RPF2: variants seen among roughly 807,000 people sequenced by gnomAD.
RPF2 encodes the protein ribosome production factor 2 homolog.
A neutral mutation model predicts 38.9 loss-of-function variants in RPF2; 21 were observed. That is an observed-to-expected ratio of 0.54 (90% CI 0.38 to 0.78). The LOEUF (loss-of-function observed/expected upper bound fraction) is 0.78, where lower values mean the gene tolerates loss of function less well. Among genes scored for constraint, RPF2 ranks in the 30% least tolerant of loss-of-function variants. The pLI is 0.00. For synonymous variants in RPF2, 121 were observed against 126.2 expected (o/e 0.96, Z 0.28); for missense variants, 314 against 358.1 (o/e 0.88, Z 0.99).
intron 7 of RPF2, among the ~76,000 whole-genome samples, chr6:111,014,557 G>A (rs1772074975): frequency 6.6e-6 from 1 of 152,192 alleles, no homozygotes; most frequent in South Asian, 2.1e-4. Context: ...ATGCTAGGTG[G>A]CTACAGAATG....
intron 8 of RPF2, among the ~76,000 whole-genome samples, chr6:111,016,162 C>T (rs1414498281): frequency 6.6e-6 from 1 of 152,272 alleles, no homozygotes; most frequent in African/African-American, 2.4e-5. Flanking sequence ...GCCACAAATC[C>T]TTGGCTAGGC....
At chr6:111,008,465 AAAG>A in intron 7 of RPF2, among the ~76,000 whole-genome samples, 1 of 151,860 alleles carries the variant, frequency 6.6e-6, no homozygotes, top group Non-Finnish European at 1.5e-5. Context: ...CGGGAGAGTT[AAAG>A]CAGCTGTTGT....
chr6:111,025,440 G>A lies in RPF2; in HGVS notation c.779G>A (p.Gly260Asp), dbSNP rs768235939. ...AAAAATATTTCCCATGATACTTTTG[G>A]TACAACTTATGGAAGGATTCATATG... ...KKKNISHDTF[G>D]TTYGRIHMQK... Residue 260 changes from glycine (G) to aspartate (D), a missense_variant, in exon 10 of 10, where the codon GGT (glycine) becomes GAT (aspartate). Coordinates refer to ENST00000441448, the MANE Select transcript of RPF2 (RefSeq NM_032194.3). 2.5e-6 allele frequency: 4 copies of A among 1,607,550 alleles called. No homozygotes were observed. Among genetic ancestry groups the A allele is most frequent in the Non-Finnish European group, 2.5e-6 (3 of 1,177,114 alleles).
intron 6 of RPF2, among the ~76,000 whole-genome samples, chr6:111,006,065 G>C (rs919561402): frequency 2.6e-5 from 4 of 151,274 alleles, no homozygotes; most frequent in Non-Finnish European, 1.5e-5. Flanking sequence ...CTCAGCCTCC[G>C]AAAGTGCTGG....
intron 7 of RPF2, 70 bp downstream of exon 7, chr6:111,008,207 C>G (rs1771950960): frequency 2.0e-6 from 3 of 1,464,428 alleles, no homozygotes; most frequent in Non-Finnish European, 2.7e-6. Context: ...ACTGGTGGCA[C>G]TTTGCTACTT....
intron 8 of RPF2, among the ~76,000 whole-genome samples, chr6:111,022,529 C>A (rs1173254263): frequency 6.6e-6 from 1 of 152,042 alleles, no homozygotes; most frequent in Non-Finnish European, 1.5e-5. Context: ...GTACTTAATT[C>A]TTTAATGAAA....
intron 5 of RPF2, among the ~76,000 whole-genome samples, chr6:110,998,667 A>G (rs1771760995): frequency 6.6e-6 from 1 of 152,190 alleles, no homozygotes. Flanking sequence ...CACGCACAGG[A>G]CAGGAGAGGC....
intron 6 of RPF2, among the ~76,000 whole-genome samples, chr6:111,002,862 G>A (rs1020963779): frequency 6.6e-5 from 10 of 150,970 alleles, no homozygotes; most frequent in Admixed American, 1.3e-4. Flanking sequence ...TCTGCCTCCC[G>A]GATTCAAGCA....
At chr6:111,014,217 A>G (rs1454516293) in intron 7 of RPF2, among the ~76,000 whole-genome samples, 7 of 151,488 alleles carry the variant, frequency 4.6e-5, no homozygotes, top group Admixed American at 4.6e-4. Flanking sequence ...GCTCACTGCA[A>G]TCTCCGCCTC....
At chr6:111,014,140 G>T (rs1363794006) in intron 7 of RPF2, among the ~76,000 whole-genome samples, 3 of 144,934 alleles carry the variant, frequency 2.1e-5, no homozygotes, top group African/African-American at 7.6e-5. Context: ...TTGTTTTTTG[G>T]GTTTTTTTTT....
chr6:111,000,712 C>T (rs1018474196), intron 6 of RPF2, among the ~76,000 whole-genome samples: 3 of 152,168 alleles, frequency 2.0e-5, no homozygotes, highest in African/African-American at 7.2e-5. Flanking sequence ...TACATTATTT[C>T]ACCTAGACCT....
chr6:110,992,730 G>A (rs929782553), intron 4 of RPF2, among the ~76,000 whole-genome samples: 3 of 152,082 alleles, frequency 2.0e-5, no homozygotes, highest in Non-Finnish European at 2.9e-5. Context: ...TATAGTAAAT[G>A]GAGAATGATG....
At chr6:111,024,125 G>C in intron 8 of RPF2, 58 bp from the exon 9 acceptor site, 1 of 1,432,300 alleles carries the variant, frequency 7.0e-7, no homozygotes, top group Non-Finnish European at 9.4e-7. Context: ...AAAAATATTT[G>C]GTGGAGAGGA....
At chr6:111,003,430 A>G (rs1204944137) in intron 6 of RPF2, among the ~76,000 whole-genome samples, 2 of 152,082 alleles carry the variant, frequency 1.3e-5, no homozygotes, top group African/African-American at 2.4e-5. Context: ...GGTTGGGATT[A>G]CAGGTGCCTA....
At chr6:110,994,992 C>T (rs1771687779) in intron 4 of RPF2, among the ~76,000 whole-genome samples, 1 of 152,062 alleles carries the variant, frequency 6.6e-6, no homozygotes, top group African/African-American at 2.4e-5. Context: ...GCAACCTCCA[C>T]CTCCCGGGTT....
intron 6 of RPF2, among the ~76,000 whole-genome samples, chr6:111,004,006 T>A (rs1370357846): frequency 6.6e-6 from 1 of 150,652 alleles, no homozygotes; most frequent in African/African-American, 2.4e-5. Context: ...AGAGACGGAG[T>A]TTCATCATGT....
chr6:110,985,053 C>T lies in RPF2; in HGVS notation c.71C>T (p.Pro24Leu), dbSNP rs144286682. ...RAKRFLEKRE[P>L]KLNENIKNAM... ...AAGAGATTCCTTGAGAAGAGAGAACCGAAACTCAATGAAAATATTAAAAAT... is the reference window on the plus strand; with the variant it reads ...AAGAGATTCCTTGAGAAGAGAGAACTGAAACTCAATGAAAATATTAAAAAT... The change falls in exon 2 of 10, where the codon CCG (proline) becomes CTG (leucine). Residue 24 changes from proline to leucine, a missense_variant. Transcript: ENST00000441448. 119 of 1,612,124 alleles carry T rather than the reference C, an allele frequency of 7.4e-5. No homozygotes were observed. The highest frequency in any genetic ancestry group is 8.8e-5 in the Non-Finnish European group (104 of 1,179,566).
chr6:111,016,787 A>G (rs1220455689), intron 8 of RPF2, among the ~76,000 whole-genome samples: 1 of 150,552 alleles, frequency 6.6e-6, no homozygotes, highest in Non-Finnish European at 1.5e-5. Flanking sequence ...CAGATAAACA[A>G]GTGAACAAAG....
intron 5 of RPF2, among the ~76,000 whole-genome samples, chr6:110,998,173 G>A (rs9487570): frequency 0.091 from 13,811 of 152,236 alleles, 700 homozygotes; most frequent in Middle Eastern, 0.13. Flanking sequence ...CTGAAGTGCT[G>A]GGATTACAGG....
Sources: allele counts gnomAD v4.1 joint callset (sites outside exome capture counted in the v4.1 genomes callset), GRCh38; gene constraint gnomAD v4.1.1; transcripts MANE v1.5; gene names NCBI Gene and HGNC (gene_info 2026-07-23, HGNC 2026-07-21).